EPB41L4A: variants seen among roughly 807,000 people sequenced by gnomAD.
EPB41L4A encodes the protein erythrocyte membrane protein band 4.1 like 4A.
A neutral mutation model predicts 108.6 loss-of-function variants in EPB41L4A; 100 were observed. The ratio of observed to expected loss-of-function variants is 0.92; its 90% CI spans 0.78 to 1.09. The LOEUF (loss-of-function observed/expected upper bound fraction) is 1.09, where lower values mean the gene tolerates loss of function less well. Ranked by LOEUF, EPB41L4A falls within the 50% of genes least tolerant of loss-of-function variation. The probability of loss-of-function intolerance (pLI) is 0.00; values close to 1 mark genes in which losing one functional copy is unlikely to be tolerated. For missense variants in EPB41L4A, 1,030 were observed against 842.7 expected (o/e 1.22, Z -2.75); for synonymous variants, 319 against 289.0 (o/e 1.10, Z -1.05).
chr5:112,225,281 A>G (rs1748372444), intron 12 of EPB41L4A, among the ~76,000 whole-genome samples: 1 of 152,230 alleles, frequency 6.6e-6, no homozygotes, highest in Non-Finnish European at 1.5e-5. Context: ...CTTATATGCC[A>G]TCTTATGTAC....
rs1427524143 is a variant in EPB41L4A, at chr5:112,205,317, T to C, written c.1262+104A>G. 9.5e-6 allele frequency: 9 copies of C among 947,790 alleles called. No individual in the cohort carries two copies. In the Admixed American group the frequency reaches 1.2e-4, roughly 13 times the overall value. The allele number at this position is 947,790 out of a possible 1,614,324, so 58.7% of individuals were successfully genotyped here. ...AGAGTCTGCCCACTTTATCCACAGC[T>C]AGCTGTGATCAGCCACCCAGCAGCT... On this transcript the variant is annotated intron_variant, in intron 14 of 22. Coordinates refer to ENST00000261486, the MANE Select transcript of EPB41L4A (RefSeq NM_022140.5).
chr5:112,209,640 G>A (rs908213967), intron 13 of EPB41L4A, among the ~76,000 whole-genome samples: 1 of 152,208 alleles, frequency 6.6e-6, no homozygotes. Context: ...TGCGGAGAAT[G>A]CAGACCACAG....
intron 18 of EPB41L4A, among the ~76,000 whole-genome samples, chr5:112,182,844 C>G (rs1761225735): frequency 6.6e-6 from 1 of 151,102 alleles, no homozygotes; most frequent in Non-Finnish European, 1.5e-5. Flanking sequence ...AGGAAATCTT[C>G]ATTAACTTCA....
intron 15 of EPB41L4A, among the ~76,000 whole-genome samples, chr5:112,198,088 C>T (rs540212080): frequency 6.6e-6 from 1 of 151,914 alleles, no homozygotes; most frequent in East Asian, 1.9e-4. Flanking sequence ...ACCTGGAGTA[C>T]AGTGGTGCGA....
chr5:112,169,073 G>C lies in EPB41L4A; in HGVS notation c.1772C>G (p.Ser591Cys). Residue 591 changes from serine to cysteine, a missense_variant, in exon 21 of 23, where the codon TCT (serine) becomes TGT (cysteine). Coordinates refer to ENST00000261486, the MANE Select transcript of EPB41L4A (RefSeq NM_022140.5). Reference sequence around the variant, plus strand: ...CTGGCGGTAACTTCGTGGCGAATGAGAATGCCTGATGCGGATTGGGTCACC... The same window carrying C: ...CTGGCGGTAACTTCGTGGCGAATGACAATGCCTGATGCGGATTGGGTCACC... ...TQGDPIRIRHSHSPRSYRQYR... is the reference protein window; with the variant it reads ...TQGDPIRIRHCHSPRSYRQYR... 1 of 1,614,096 alleles carries C rather than the reference G, an allele frequency of 6.2e-7. No individual in the cohort carries two copies. Among genetic ancestry groups the C allele is most frequent in the Non-Finnish European group, 8.5e-7 (1 of 1,179,972 alleles).
At chr5:112,398,395 GTTTC>G (rs1297542267) in intron 1 of EPB41L4A, among the ~76,000 whole-genome samples, 1 of 151,714 alleles carries the variant, frequency 6.6e-6, no homozygotes. Context: ...TTTTTTGTTT[GTTTC>G]TTTGTCTTTG....
intron 12 of EPB41L4A, among the ~76,000 whole-genome samples, chr5:112,217,573 T>C (rs368807300): frequency 6.6e-6 from 1 of 152,270 alleles, no homozygotes; most frequent in Non-Finnish European, 1.5e-5. Flanking sequence ...TGGTGGCCCA[T>C]GCTTGTCATC....
chr5:112,262,604 G>C (rs770647418), intron 6 of EPB41L4A, 23 bp from the exon 7 acceptor site: 4 of 1,603,440 alleles, frequency 2.5e-6, no homozygotes, highest in South Asian at 2.2e-5. Flanking sequence ...CAAAAACAAA[G>C]AGCCTTATTT....
chr5:112,305,506 T>C (rs115969123), intron 2 of EPB41L4A, among the ~76,000 whole-genome samples: 3 of 152,296 alleles, frequency 2.0e-5, no homozygotes, highest in Non-Finnish European at 2.9e-5. Flanking sequence ...CCATACCCTG[T>C]ACTATTTTCA....
chr5:112,281,358 A>C (rs1561537057), intron 2 of EPB41L4A, among the ~76,000 whole-genome samples: 2 of 152,248 alleles, frequency 1.3e-5, no homozygotes, highest in Admixed American at 6.5e-5. Flanking sequence ...TATCGAAGGA[A>C]AGAGATGAGG....
At chr5:112,228,593 C>T (rs1404298488) in intron 12 of EPB41L4A, 1 of 492,322 alleles carries the variant, frequency 2.0e-6, no homozygotes, top group African/African-American at 2.1e-5. Context: ...TGTATCCATC[C>T]CAAATGGCTT....
At chr5:112,230,041 A>C (rs1436478378) in intron 12 of EPB41L4A, among the ~76,000 whole-genome samples, 1 of 151,908 alleles carries the variant, frequency 6.6e-6, no homozygotes, top group Non-Finnish European at 1.5e-5. Flanking sequence ...GTTGCCACGA[A>C]TGCCATTATT....
chr5:112,205,537 TTAAG>T (rs1264595263), intron 13 of EPB41L4A, 33 bp from the exon 14 acceptor site: 1 of 1,492,330 alleles, frequency 6.7e-7, no homozygotes. Flanking sequence ...GAGAAATAAA[TTAAG>T]TAGAAAATAA....
intron 12 of EPB41L4A, among the ~76,000 whole-genome samples, chr5:112,215,770 A>AC (rs1480032669): frequency 6.9e-6 from 1 of 145,854 alleles, no homozygotes; most frequent in Non-Finnish European, 1.5e-5. Context: ...CTCAAAAAAA[A>AC]AAAAAAACAA....
intron 2 of EPB41L4A, among the ~76,000 whole-genome samples, chr5:112,288,141 T>G (rs1354004768): frequency 6.6e-6 from 1 of 152,136 alleles, no homozygotes; most frequent in Non-Finnish European, 1.5e-5. Context: ...TTTATAAGAT[T>G]TAACACCATG....
chr5:112,412,588 C>G (rs1762473951), intron 1 of EPB41L4A, among the ~76,000 whole-genome samples: 1 of 152,190 alleles, frequency 6.6e-6, no homozygotes, highest in Non-Finnish European at 1.5e-5. Flanking sequence ...CACACTGAGT[C>G]TATGCCCAGG....
intron 4 of EPB41L4A, 36 bp from the exon 5 acceptor site, chr5:112,266,366 T>C: frequency 6.9e-7 from 1 of 1,454,098 alleles, no homozygotes; most frequent in Admixed American, 2.1e-5. Context: ...TAACGATCTC[T>C]TACACTACTC....
chr5:112,346,216 ATTTTTTTTTTTTTTT>A (rs561328868), intron 1 of EPB41L4A, among the ~76,000 whole-genome samples: 6 of 67,346 alleles, frequency 8.9e-5, no homozygotes, highest in Admixed American at 2.4e-4. Context: ...GGTACATTGC[ATTTTTTTTTTTTTTT>A]TTTTTTTTTT....
intron 1 of EPB41L4A, among the ~76,000 whole-genome samples, chr5:112,312,668 T>C (rs919655013): frequency 2.0e-5 from 3 of 152,140 alleles, no homozygotes; most frequent in African/African-American, 7.2e-5. Flanking sequence ...AAATTAGCTA[T>C]TGGGGTGGAG....
Sources: gnomAD v4.1 joint callset for allele counts (sites outside exome capture counted in the v4.1 genomes callset) on GRCh38, gnomAD v4.1.1 for gene constraint, MANE v1.5 for transcripts, NCBI Gene and HGNC (gene_info 2026-07-23, HGNC 2026-07-21) for gene names.